The following PCDHA8 variants were observed in gnomAD, a reference collection of about 807,000 sequenced individuals.
The protein encoded by PCDHA8 is protocadherin alpha 8, also known as protocadherin alpha-8.
Under a neutral mutation model 61.8 loss-of-function variants are expected in PCDHA8, and 53 were observed. The ratio of observed to expected loss-of-function variants is 0.86; its 90% CI spans 0.69 to 1.08. The LOEUF (loss-of-function observed/expected upper bound fraction) is 1.08, where lower values mean the gene tolerates loss of function less well. PCDHA8 is among the 50% of genes least tolerant of loss of function. The pLI is 0.00. For synonymous variants in PCDHA8, 618 were observed against 556.6 expected (o/e 1.11, Z -1.55); for missense variants, 1,293 against 1,245.0 (o/e 1.04, Z -0.58).
intron 1 of PCDHA8, among the ~76,000 whole-genome samples, chr5:140,958,652 G>C (rs991773774): frequency 6.6e-6 from 1 of 152,030 alleles, no homozygotes; most frequent in East Asian, 1.9e-4. Context: ...ATCACAGAAA[G>C]CTATGATGAA....
intron 1 of PCDHA8, among the ~76,000 whole-genome samples, chr5:140,944,665 A>G (rs782357699): frequency 1.1e-4 from 17 of 152,138 alleles, no homozygotes; most frequent in Non-Finnish European, 2.5e-4. Flanking sequence ...CCCCTTATTT[A>G]TCTATTCTGT....
chr5:140,877,338 C>G (rs1554169617), intron 1 of PCDHA8: 2 of 1,614,012 alleles, frequency 1.2e-6, no homozygotes, highest in South Asian at 2.2e-5. Flanking sequence ...ACATCCCGTT[C>G]CACGTGGGGC....
intron 1 of PCDHA8, among the ~76,000 whole-genome samples, chr5:140,901,988 T>C (rs892830479): frequency 6.6e-6 from 1 of 152,164 alleles, no homozygotes; most frequent in Admixed American, 6.6e-5. Context: ...TTTAATTTCA[T>C]TTTCAGATTG....
intron 1 of PCDHA8, chr5:140,863,746 C>T (rs902419131): frequency 8.2e-6 from 2 of 244,508 alleles, no homozygotes; most frequent in Non-Finnish European, 1.6e-5. Context: ...TATTTGTAAT[C>T]CCGGCACTTT....
At chr5:141,006,445 C>T (rs1202981865) in intron 3 of PCDHA8, among the ~76,000 whole-genome samples, 2 of 152,062 alleles carry the variant, frequency 1.3e-5, no homozygotes, top group Non-Finnish European at 2.9e-5. Context: ...AATCTCCTGA[C>T]CTCGAGATCT....
chr5:140,876,575 T>C (rs2153342882), intron 1 of PCDHA8: 1 of 1,614,152 alleles, frequency 6.2e-7, no homozygotes, highest in South Asian at 1.1e-5. Context: ...GTGGGTACCG[T>C]CATTGCCCTG....
At chr5:140,918,943 T>C (rs1554198839) in intron 1 of PCDHA8, among the ~76,000 whole-genome samples, 1 of 152,220 alleles carries the variant, frequency 6.6e-6, no homozygotes, top group Non-Finnish European at 1.5e-5. Context: ...TGTTATAATA[T>C]CCTGAACAGA....
chr5:140,944,410 C>G (rs1339076109), intron 1 of PCDHA8, among the ~76,000 whole-genome samples: 1 of 152,272 alleles, frequency 6.6e-6, no homozygotes, highest in Middle Eastern at 3.4e-3. Flanking sequence ...TGGTCTCGAA[C>G]TCCTGATCTG....
chr5:140,892,087 T>G (rs2063378040), intron 1 of PCDHA8, among the ~76,000 whole-genome samples: 1 of 152,226 alleles, frequency 6.6e-6, no homozygotes, highest in East Asian at 1.9e-4. Context: ...TAGTTTCCTC[T>G]CGAAACTTTC....
chr5:140,927,614 A>G (rs1554204810), intron 1 of PCDHA8: 10 of 1,614,204 alleles, frequency 6.2e-6, no homozygotes, highest in South Asian at 1.1e-5. Flanking sequence ...TACCGCACCA[A>G]GGTTCCAGAG....
chr5:140,850,629 G>C, intron 1 of PCDHA8: 1 of 1,598,736 alleles, frequency 6.3e-7, no homozygotes, highest in South Asian at 1.1e-5. Flanking sequence ...TAGCCTGTTG[G>C]TTCTCACGCT....
chr5:140,863,854 A>T (rs984993232), intron 1 of PCDHA8: 2 of 177,552 alleles, frequency 1.1e-5, no homozygotes, highest in Admixed American at 1.1e-4. Context: ...TAAAAAAATT[A>T]GCTGGGTGTG....
At chr5:140,858,877 T>C (rs1192816588) in intron 1 of PCDHA8, 1 of 245,498 alleles carries the variant, frequency 4.1e-6, no homozygotes, top group Non-Finnish European at 7.9e-6. Context: ...TGTGTTTTCC[T>C]CCATGTGTAG....
Position 140,850,752 on chromosome 5 carries a change from C to G in PCDHA8, c.2394+7037C>G. On this transcript the variant is annotated intron_variant, in intron 1 of 3. Transcript: ENST00000531613. ...GGTGGGGAGTTGGTCGTACTCGCAG[C>G]AGAGGAGGCAGAGGGTGTGCTCTGG... is the stretch of plus-strand genomic sequence containing the variant. The G allele has an allele frequency of 1.3e-6, 2 of 1,597,900 alleles. 1 individual carries two copies. Among genetic ancestry groups the G allele is most frequent in the Non-Finnish European group, 1.7e-6 (2 of 1,167,560 alleles).
At chr5:140,848,251 T>C (rs1419799302) in intron 1 of PCDHA8, 3 of 465,726 alleles carry the variant, frequency 6.4e-6, no homozygotes, top group Non-Finnish European at 1.1e-5. Flanking sequence ...GCAGAATAAC[T>C]GTGAAATTTT....
intron 1 of PCDHA8, chr5:140,854,600 A>G (rs1474878225): frequency 6.7e-6 from 1 of 149,994 alleles, no homozygotes; most frequent in African/African-American, 2.4e-5. Flanking sequence ...GTTTAAAGTA[A>G]TTGACACATT....
chr5:140,966,900 G>T, intron 1 of PCDHA8: 1 of 1,598,802 alleles, frequency 6.3e-7, no homozygotes, highest in Non-Finnish European at 8.5e-7. Context: ...TCCCAGCTGC[G>T]ATACTCTGTG....
chr5:140,986,372 G>A lies in PCDHA8; in HGVS notation c.2542+3809G>A, dbSNP rs570215048. ...TCTTCAGATGGAGGAATGCGTTTTG[G>A]GGGGAGGGACATTAAAGGGCCAGTC... On this transcript the variant is annotated intron_variant, in intron 3 of 3. Coordinates refer to ENST00000531613, the MANE Select transcript of PCDHA8 (RefSeq NM_018911.3). Among the ~76,000 whole-genome samples, 23 of 152,248 alleles carry A rather than the reference G, an allele frequency of 1.5e-4. No homozygotes were observed. In the East Asian group the frequency reaches 1.7e-3, roughly 12 times the overall value.
intron 2 of PCDHA8, among the ~76,000 whole-genome samples, chr5:140,979,343 AATT>A (rs1482354475): frequency 8.6e-5 from 13 of 152,024 alleles, no homozygotes; most frequent in African/African-American, 3.1e-4. Flanking sequence ...TAAAAACTGT[AATT>A]AATACTCATG....
Sources: gnomAD v4.1 joint callset for allele counts (sites outside exome capture counted in the v4.1 genomes callset) on GRCh38, gnomAD v4.1.1 for gene constraint, MANE v1.5 for transcripts, NCBI Gene and HGNC (gene_info 2026-07-23, HGNC 2026-07-21) for gene names.